FKBP15: variants seen among roughly 807,000 people sequenced by gnomAD.
The protein encoded by FKBP15 is FK506-binding protein 15.
In FKBP15, 106 loss-of-function variants were observed where a neutral mutation model predicts 158.1. The ratio of observed to expected loss-of-function variants is 0.67; its 90% confidence interval spans 0.57 to 0.79. The LOEUF (loss-of-function observed/expected upper bound fraction) is 0.79, where lower values mean the gene tolerates loss of function less well. FKBP15 is among the 30% of genes least tolerant of loss of function. FKBP15 has a pLI of 0.00. For synonymous variants in FKBP15, 547 were observed against 548.6 expected, an observed-to-expected ratio of 1.00 and a Z score of 0.04; for missense variants, 1,287 against 1,479.1, an observed-to-expected ratio of 0.87 and a Z score of 2.13.
chr9:113,163,664 T>C lies in FKBP15; in HGVS notation c.*2414A>G, dbSNP rs905105809. 2.7e-5 allele frequency: 4 copies of C among 147,142 alleles called. No individual in the cohort carries two copies. The highest frequency in any genetic ancestry group is 9.7e-5 in the African/African-American group (4 of 41,178). 9.1% of individuals were successfully genotyped at this position (147,142 alleles called of 1,614,324 possible). A position where few individuals can be genotyped will look rare whatever the true frequency, so the allele number is the denominator to read the frequency against. ...GGACTGCTTTCAGGCTCCTGGTTTA[T>C]TCTCTGATAGACTGAGCTCCTTCCA... On this transcript the variant is annotated 3_prime_UTR_variant, in exon 28 of 28. Coordinates refer to ENST00000238256, the MANE Select transcript of FKBP15 (RefSeq NM_015258.2).
At chr9:113,182,348 C>T (rs569077366) in intron 19 of FKBP15, among the ~76,000 whole-genome samples, 1 of 152,266 alleles carries the variant, frequency 6.6e-6, no homozygotes, top group East Asian at 1.9e-4. Flanking sequence ...GTCAAAATTC[C>T]TGGTTTTGAA....
rs1830058738 is a variant in FKBP15, at chr9:113,163,945, C to T, written c.*2133G>A. 2 of 152,494 alleles carry T rather than the reference C, an allele frequency of 1.3e-5. No individual in the cohort carries two copies. The highest frequency in any genetic ancestry group is 4.1e-4 in the South Asian group (2 of 4,828). The allele number at this position is 152,494 out of a possible 1,614,324, so 9.4% of individuals were successfully genotyped here. A position where few individuals can be genotyped will look rare whatever the true frequency, so the allele number is the denominator to read the frequency against. ...GCAGGTACTGACTGAAGATGCAATCCAACCAAAGCCATTACATTTTTTGAG... is the reference window on the plus strand; with the variant it reads ...GCAGGTACTGACTGAAGATGCAATCTAACCAAAGCCATTACATTTTTTGAG... On this transcript the variant is annotated 3_prime_UTR_variant, in exon 28 of 28. Transcript: ENST00000238256.
intron 19 of FKBP15, among the ~76,000 whole-genome samples, chr9:113,179,034 AT>A (rs1418006115): frequency 1.6e-4 from 24 of 149,894 alleles, no homozygotes; most frequent in Admixed American, 3.3e-4. Context: ...TATACTTAAA[AT>A]TTTTTTTTTT....
At chr9:113,182,058 A>T (rs1210774419) in intron 19 of FKBP15, among the ~76,000 whole-genome samples, 1 of 152,234 alleles carries the variant, frequency 6.6e-6, no homozygotes, top group African/African-American at 2.4e-5. Context: ...CTCATTACAG[A>T]ATATGAGAAA....
At position 113,166,131 on chromosome 9, in the gene FKBP15, T is replaced by C. The variant is rs531828583; in HGVS notation, c.3607A>G (p.Thr1203Ala). ...TCATCATCATCTCCAAAAAGGGGCGTTGGGGGCGGGCGTCCCTTCATGCTC... is the reference window on the plus strand; with the variant it reads ...TCATCATCATCTCCAAAAAGGGGCGCTGGGGGCGGGCGTCCCTTCATGCTC... ...EVSMKGRPPP[T>A]PLFGDDDDDD... Residue 1203 changes from threonine to alanine, a missense_variant, in exon 28 of 28, where the codon ACG (threonine) becomes GCG (alanine). Physicochemically the swap from Thr to Ala is moderately conservative, Grantham distance 58. Transcript: ENST00000238256. The C allele has an allele frequency of 3.1e-6, 5 of 1,613,464 alleles. No homozygotes were observed. In the African/African-American group the frequency reaches 4.0e-5, roughly 13 times the overall value.
In FKBP15 at chr9:113,161,650, G is replaced by A. The variant is rs1830014562; in HGVS notation, c.*4428C>T. The A allele has an allele frequency of 1.9e-6, 3 of 1,613,892 alleles. No homozygotes were observed. The highest frequency in any genetic ancestry group is 1.7e-6 in the Non-Finnish European group (2 of 1,179,900). On this transcript the variant is annotated 3_prime_UTR_variant, in exon 28 of 28. Coordinates refer to ENST00000238256, the MANE Select transcript of FKBP15 (RefSeq NM_015258.2). ...CAGCAGACCATCGCAGAGACAGACG[G>A]GGACTCTGCAGGCTCAGATTCATTC...
rs567836059 is a variant in FKBP15 at position 113,198,373 on chromosome 9, T to C, written c.717+482A>G. ...CATCTTCAATGTAGTGTCTCATAGA[T>C]AAAAATCTCCCAAATGCAATGTAAC... On this transcript the variant is annotated intron_variant, in intron 8 of 27. Coordinates refer to ENST00000238256, the MANE Select transcript of FKBP15 (RefSeq NM_015258.2). The surrounding 1 kb of genome is among the most constrained non-coding windows in gnomAD (Gnocchi z 5.2). Among the ~76,000 whole-genome samples, 11 of 152,328 alleles carry C rather than the reference T, an allele frequency of 7.2e-5. No homozygotes were observed. In the South Asian group the frequency reaches 1.7e-3, roughly 23 times the overall value.
In FKBP15 at chr9:113,194,089, A is replaced by G; in HGVS notation, c.945T>C (p.Gly315=). Residue 315 remains glycine, a synonymous_variant, in exon 10 of 28, where the codon GGT becomes GGC. Transcript: ENST00000238256. ...CAGGATCAGCAGAGAGGTTGTCAGC[A>G]CCAGGGATGGGAGACGGAGCTGCAG... ...RDSAAPSPIP[G]ADNLSADPVV... is the part of the protein sequence containing the mutation. The G allele has an allele frequency of 1.2e-6, 2 of 1,613,740 alleles. No homozygotes were observed. Among genetic ancestry groups the G allele is most frequent in the Admixed American group, 3.3e-5 (2 of 60,002 alleles).
intron 4 of FKBP15, among the ~76,000 whole-genome samples, chr9:113,203,834 C>T (rs1312680744): frequency 6.6e-6 from 1 of 152,046 alleles, no homozygotes; most frequent in African/African-American, 2.4e-5. Flanking sequence ...GACAATTTTG[C>T]TATTCTTAAA....
At chr9:113,188,354 G>T in intron 13 of FKBP15, 35 bp downstream of exon 13, 3 of 1,523,410 alleles carry the variant, frequency 2.0e-6, no homozygotes, top group Non-Finnish European at 2.7e-6. Flanking sequence ...TGCTGACCCA[G>T]TTCAAGGCCA....
chr9:113,178,620 T>TA lies in FKBP15; in HGVS notation c.2086+9dup. On this transcript the variant is annotated intron_variant, in intron 20 of 27. Coordinates refer to ENST00000238256, the MANE Select transcript of FKBP15 (RefSeq NM_015258.2). The stretch of plus-strand genomic sequence containing the variant: ...GGCAACAATCCCAGCATCCCCCACC[T>TA]AGCACATACCTGAGAGCTTTGCCTG... 1 of 1,603,632 alleles carries TA rather than the reference T, an allele frequency of 6.2e-7. No individual in the cohort carries two copies. The highest frequency in any genetic ancestry group is 8.5e-7 in the Non-Finnish European group (1 of 1,175,690).
At position 113,168,489 on chromosome 9, in the gene FKBP15, G is replaced by C. The variant is rs1385334199; in HGVS notation, c.3553C>G (p.Gln1185Glu). 2.5e-6 allele frequency: 4 copies of C among 1,613,900 alleles called. No homozygotes were observed. The highest frequency in any genetic ancestry group is 3.4e-6 in the Non-Finnish European group (4 of 1,179,868). ...TCGTCTTCATCCTCCTCCTCAGGCT[G>C]TGCTTTGGGCCTCAGAGCTTTCAGA... ...ATLKALRPKA[Q>E]PEEEDEDEVS... Residue 1185 changes from glutamine to glutamate, a missense_variant, in exon 27 of 28, where the codon CAG becomes GAG. Physicochemically the swap from Gln to Glu is conservative, Grantham distance 29. Coordinates refer to ENST00000238256, the MANE Select transcript of FKBP15 (RefSeq NM_015258.2).
intron 18 of FKBP15, 149 bp from the exon 19 acceptor site, chr9:113,183,017 A>G (rs1830427241): frequency 4.2e-6 from 3 of 707,448 alleles, no homozygotes; most frequent in Admixed American, 4.7e-5. Flanking sequence ...TTAGATCTGA[A>G]GTAGTGAGAT....
chr9:113,186,093 ATGAATG>A (rs1264094074), intron 15 of FKBP15, among the ~76,000 whole-genome samples, 150 bp downstream of exon 15: 1 of 152,242 alleles, frequency 6.6e-6, no homozygotes, highest in African/African-American at 2.4e-5. Context: ...TTTAAAATGA[ATGAATG>A]TGTGGAATAC....
chr9:113,191,701 G>T (rs1348076052), intron 11 of FKBP15, among the ~76,000 whole-genome samples: 1 of 149,352 alleles, frequency 6.7e-6, no homozygotes, highest in Admixed American at 6.7e-5. Flanking sequence ...TACATACAGA[G>T]TATGCTACTT....
Position 113,198,801 on chromosome 9 carries a change from A to G in FKBP15, c.717+54T>C. On this transcript the variant is annotated intron_variant, in intron 8 of 27. Transcript: ENST00000238256. The surrounding 1 kb of genome is among the most constrained non-coding windows in gnomAD (Gnocchi z 5.2). The stretch of plus-strand genomic sequence containing the variant: ...AAGGAATTCCACAAAATTTAATCTA[A>G]GTTAAACCCACTGCAACTGATAAAA... 1 of 1,186,464 alleles carries G rather than the reference A, an allele frequency of 8.4e-7. No individual in the cohort carries two copies. The highest frequency in any genetic ancestry group is 1.2e-6 in the Non-Finnish European group (1 of 834,920). The allele number at this position is 1,186,464 out of a possible 1,614,324, so 73.5% of individuals were successfully genotyped here.
chr9:113,202,842 C>G, intron 5 of FKBP15, 119 bp downstream of exon 5: 1 of 879,414 alleles, frequency 1.1e-6, no homozygotes, highest in Non-Finnish European at 1.8e-6. Context: ...CTGTTAGATA[C>G]TCACAAGGAC....
chr9:113,162,130 A>G lies in FKBP15; in HGVS notation c.*3948T>C, dbSNP rs1335769508. ...CCTCTCCTCCCTTCCCACTCGAATC[A>G]GGCAACCATTTAGGGTCCCTGTTCT... On this transcript the variant is annotated 3_prime_UTR_variant, in exon 28 of 28. Coordinates refer to ENST00000238256, the MANE Select transcript of FKBP15 (RefSeq NM_015258.2). 7 of 332,544 alleles carry G rather than the reference A, an allele frequency of 2.1e-5. No individual in the cohort carries two copies. The highest frequency in any genetic ancestry group is 5.1e-5 in the South Asian group (2 of 39,328). 20.6% of individuals were successfully genotyped at this position (332,544 alleles called of 1,614,324 possible). A position where few individuals can be genotyped will look rare whatever the true frequency, so the allele number is the denominator to read the frequency against.
chr9:113,171,003 CT>C (rs1256459657), intron 24 of FKBP15, among the ~76,000 whole-genome samples: 3 of 152,250 alleles, frequency 2.0e-5, no homozygotes, highest in Admixed American at 2.0e-4. Flanking sequence ...CCCCATTCTT[CT>C]TCTGTGGTTA....
Sources: gnomAD v4.1 joint callset for allele counts (sites outside exome capture counted in the v4.1 genomes callset) on GRCh38, gnomAD v4.1.1 for gene constraint, Gnocchi (gnomAD v3.1) non-coding constraint, MANE v1.5 for transcripts, NCBI Gene and HGNC (gene_info 2026-07-23, HGNC 2026-07-21) for gene names.